The following CAMKMT variants were observed in gnomAD, a reference collection of about 807,000 sequenced individuals.
The protein encoded by CAMKMT is CaM KMT.
In CAMKMT, 53 loss-of-function variants were observed where a neutral mutation model predicts 48.0. The observed-to-expected ratio is 1.10, with a 90% CI of 0.89 to 1.39. The LOEUF is 1.39. CAMKMT is among the 40% of genes most tolerant of loss of function. The pLI, the probability that CAMKMT is intolerant of heterozygous loss-of-function variation, is 0.00. For missense variants in CAMKMT, 428 were observed against 402.7 expected (o/e 1.06, Z -0.54); for synonymous variants, 165 against 152.3 (o/e 1.08, Z -0.61).
At chr2:44,381,272 A>C (rs956164053) in intron 2 of CAMKMT, among the ~76,000 whole-genome samples, 7 of 152,186 alleles carry the variant, frequency 4.6e-5, no homozygotes, top group Admixed American at 4.6e-4. Flanking sequence ...CTTAACTTCT[A>C]TTATCTCAGT....
At chr2:44,384,192 T>C (rs936902404) in intron 2 of CAMKMT, among the ~76,000 whole-genome samples, 3 of 152,186 alleles carry the variant, frequency 2.0e-5, no homozygotes, top group South Asian at 2.1e-4. Flanking sequence ...TGGTATTGCA[T>C]TGTGCTTTTG....
At chr2:44,430,173 C>T (rs900251232) in intron 3 of CAMKMT, among the ~76,000 whole-genome samples, 2 of 151,896 alleles carry the variant, frequency 1.3e-5, no homozygotes. Context: ...AATAACCTGC[C>T]TTGTAGTCTC....
At chr2:44,758,907 A>C (rs1254213805) in intron 9 of CAMKMT, among the ~76,000 whole-genome samples, 1 of 152,248 alleles carries the variant, frequency 6.6e-6, no homozygotes, top group Non-Finnish European at 1.5e-5. Context: ...AGCCAAGCCA[A>C]CCAGACAGCA....
chr2:44,380,976 A>C (rs779526590), intron 2 of CAMKMT, among the ~76,000 whole-genome samples: 2 of 152,258 alleles, frequency 1.3e-5, no homozygotes, highest in South Asian at 4.1e-4. Context: ...CCTGGCCAAC[A>C]TAGTGAAACC....
intron 3 of CAMKMT, among the ~76,000 whole-genome samples, chr2:44,485,835 A>G (rs953700021): frequency 3.9e-5 from 6 of 152,272 alleles, no homozygotes; most frequent in Non-Finnish European, 8.8e-5. Context: ...GGCAAAACCA[A>G]TCTGTGGTGT....
intron 3 of CAMKMT, among the ~76,000 whole-genome samples, chr2:44,418,875 T>C (rs1441579765): frequency 6.6e-6 from 1 of 152,230 alleles, no homozygotes; most frequent in Non-Finnish European, 1.5e-5. Flanking sequence ...TCTATAAACC[T>C]GATATGGTTG....
intron 3 of CAMKMT, among the ~76,000 whole-genome samples, chr2:44,546,027 C>T (rs1235824677): frequency 6.6e-6 from 1 of 151,952 alleles, no homozygotes; most frequent in African/African-American, 2.4e-5. Context: ...GTAAATTTCT[C>T]TTAAAAATTT....
At chr2:44,514,239 A>C (rs1001884487) in intron 3 of CAMKMT, among the ~76,000 whole-genome samples, 3 of 152,182 alleles carry the variant, frequency 2.0e-5, no homozygotes, top group African/African-American at 7.2e-5. Context: ...ACCTATATCC[A>C]AGAAGGGCAA....
chr2:44,596,079 T>C (rs1393014147), intron 3 of CAMKMT, among the ~76,000 whole-genome samples: 1 of 151,452 alleles, frequency 6.6e-6, no homozygotes, highest in Non-Finnish European at 1.5e-5. Context: ...GGCACGTATA[T>C]ACCTATGTAA....
At chr2:44,434,156 C>T (rs993161242) in intron 3 of CAMKMT, among the ~76,000 whole-genome samples, 1 of 151,618 alleles carries the variant, frequency 6.6e-6, no homozygotes, top group African/African-American at 2.4e-5. Flanking sequence ...GCAGTGCCGT[C>T]TTCATTATGT....
chr2:44,631,675 A>T (rs1672843036), intron 3 of CAMKMT: 2 of 411,242 alleles, frequency 4.9e-6, no homozygotes, highest in East Asian at 7.2e-5. Context: ...TTTTCTTTTT[A>T]ATTGTACTGT....
intron 2 of CAMKMT, among the ~76,000 whole-genome samples, chr2:44,380,566 A>ACG (rs1046123777): frequency 5.9e-5 from 9 of 152,178 alleles, no homozygotes; most frequent in Non-Finnish European, 1.3e-4. Flanking sequence ...GTGAAAAAGA[A>ACG]CAGTCCTTAA....
intron 3 of CAMKMT, among the ~76,000 whole-genome samples, 164 bp downstream of exon 3, chr2:44,390,469 A>G (rs1681226494): frequency 6.6e-6 from 1 of 150,676 alleles, no homozygotes; most frequent in Non-Finnish European, 1.5e-5. Context: ...TAAGCCTTGT[A>G]TAAGGTACAC....
intron 3 of CAMKMT, among the ~76,000 whole-genome samples, chr2:44,499,010 T>C (rs1271004855): frequency 1.3e-5 from 2 of 152,208 alleles, no homozygotes; most frequent in African/African-American, 2.4e-5. Flanking sequence ...GGTAAAAATA[T>C]AGATGATATT....
At chr2:44,523,589 C>T (rs1671239318) in intron 3 of CAMKMT, among the ~76,000 whole-genome samples, 1 of 151,074 alleles carries the variant, frequency 6.6e-6, no homozygotes, top group Admixed American at 6.6e-5. Context: ...GTCACCACAC[C>T]TGTCCAAGGG....
intron 3 of CAMKMT, among the ~76,000 whole-genome samples, chr2:44,466,602 A>G (rs1668126763): frequency 6.6e-6 from 1 of 152,204 alleles, no homozygotes. Context: ...CTTTACACTC[A>G]AGGAACCAGA....
intron 2 of CAMKMT, among the ~76,000 whole-genome samples, chr2:44,389,171 G>A (rs1409941968): frequency 6.6e-6 from 1 of 152,088 alleles, no homozygotes; most frequent in African/African-American, 2.4e-5. Flanking sequence ...CTCCTTGGGT[G>A]GGTCTTGCTG....
intron 8 of CAMKMT, 98 bp downstream of exon 8, chr2:44,743,794 A>G (rs1573216858): frequency 2.4e-6 from 2 of 830,836 alleles, no homozygotes; most frequent in Admixed American, 5.0e-5. Flanking sequence ...CAAAGTCAAC[A>G]AATGAAGCAC....
At chr2:44,439,911 G>A (rs1158203743) in intron 3 of CAMKMT, among the ~76,000 whole-genome samples, 1 of 152,134 alleles carries the variant, frequency 6.6e-6, no homozygotes, top group Admixed American at 6.5e-5. Flanking sequence ...AGAAATGTCA[G>A]GAGCCAACAA....
Sources: allele counts gnomAD v4.1 joint callset (sites outside exome capture counted in the v4.1 genomes callset), GRCh38; gene constraint gnomAD v4.1.1; transcripts MANE v1.5; gene names NCBI Gene and HGNC (gene_info 2026-07-23, HGNC 2026-07-21).